Variants in SHISA9 observed in about 807,000 individuals in gnomAD.
SHISA9 encodes the protein protein shisa-9.
SHISA9 carries 13 observed loss-of-function variants against 38.0 expected under a neutral mutation model. The observed-to-expected ratio is 0.34, with a 90% CI of 0.22 to 0.54. The LOEUF is 0.54. Ranked by LOEUF, SHISA9 falls within the 20% of genes least tolerant of loss-of-function variation. The probability of loss-of-function intolerance (pLI) is 0.91; values close to 1 mark genes in which losing one functional copy is unlikely to be tolerated. For synonymous variants in SHISA9, 275 were observed against 242.0 expected, an observed-to-expected ratio of 1.14 and a Z score of -1.27; for missense variants, 538 against 575.8, an observed-to-expected ratio of 0.93 and a Z score of 0.67.
chr16:13,426,207 C>A, the SHISA9 span, among the ~76,000 whole-genome samples: 1 of 152,286 alleles, frequency 6.6e-6, no homozygotes, highest in African/African-American at 2.4e-5. Context: ...GCTTACTACA[C>A]GTCAGGATCC....
At chr16:13,200,442 A>AC (rs1555470817) in intron 2 of SHISA9, among the ~76,000 whole-genome samples, 19,349 of 131,128 alleles carry the variant, frequency 0.15, 1,351 homozygotes, top group East Asian at 0.25. Flanking sequence ...ACACACACAC[A>AC]GCAGCAGCAG....
chr16:13,261,186 C>G, the SHISA9 span, among the ~76,000 whole-genome samples: 1 of 152,114 alleles, frequency 6.6e-6, no homozygotes, highest in African/African-American at 2.4e-5. Context: ...ACCATCTTGC[C>G]TATGCCCATG....
chr16:13,316,596 T>A, the SHISA9 span, among the ~76,000 whole-genome samples: 73,659 of 151,982 alleles, frequency 0.48, 18,099 homozygotes, highest in Middle Eastern at 0.55. Flanking sequence ...CTAAAATGAC[T>A]TCAATAACTT....
intron 2 of SHISA9, among the ~76,000 whole-genome samples, chr16:13,019,907 CTTTCTT>C (rs1418412628): frequency 1.7e-5 from 1 of 58,168 alleles, no homozygotes; most frequent in African/African-American, 5.5e-5. Context: ...TTCTTTCTTT[CTTTCTT>C]TCTTTCTTTC....
chr16:13,552,155 G>A, the SHISA9 span, among the ~76,000 whole-genome samples: 5 of 152,096 alleles, frequency 3.3e-5, no homozygotes, highest in African/African-American at 1.2e-4. Flanking sequence ...TAAGATGCAG[G>A]CTTCTCCAGA....
chr16:13,468,019 A>G, the SHISA9 span, among the ~76,000 whole-genome samples: 1 of 152,214 alleles, frequency 6.6e-6, no homozygotes, highest in African/African-American at 2.4e-5. Flanking sequence ...GGATATTACA[A>G]CAAAACTCAT....
At chr16:13,537,020 A>T in the SHISA9 span, among the ~76,000 whole-genome samples, 1 of 152,194 alleles carries the variant, frequency 6.6e-6, no homozygotes, top group African/African-American at 2.4e-5. Flanking sequence ...AACATGTTTC[A>T]TAACTCTGAC....
At chr16:13,118,308 G>A (rs763324587) in intron 2 of SHISA9, among the ~76,000 whole-genome samples, 8 of 152,142 alleles carry the variant, frequency 5.3e-5, no homozygotes, top group Non-Finnish European at 8.8e-5. Context: ...TGACAGGGAG[G>A]TATGTGTGTG....
chr16:13,172,762 G>A (rs62027563), intron 2 of SHISA9, among the ~76,000 whole-genome samples: 1 of 128,470 alleles, frequency 7.8e-6, no homozygotes, highest in African/African-American at 3.1e-5. Flanking sequence ...TTTTTTTTTG[G>A]TAAATAATCT....
At chr16:13,293,442 C>T in the SHISA9 span, among the ~76,000 whole-genome samples, 1 of 152,290 alleles carries the variant, frequency 6.6e-6, no homozygotes, top group Non-Finnish European at 1.5e-5. Context: ...AGACTCAAAA[C>T]GTAGACATCC....
intron 2 of SHISA9, among the ~76,000 whole-genome samples, chr16:13,170,971 A>G (rs1217447519): frequency 6.6e-6 from 1 of 152,182 alleles, no homozygotes; most frequent in East Asian, 1.9e-4. Flanking sequence ...ATAAAAGTTG[A>G]AGGAAAAAAT....
Position 13,072,530 on chromosome 16 carries a change from C to T in SHISA9, c.692-130864C>T, listed in dbSNP as rs545913117. ...TCCCATCTGGGTCACTGAGCAGAAT[C>T]GCTGAGTTGCTGTGATTTTTAGTTC... is the stretch of plus-strand genomic sequence containing the variant. On this transcript the variant is annotated intron_variant, in intron 2 of 4. Transcript: ENST00000558583. Among the ~76,000 whole-genome samples the T allele has an allele frequency of 1.8e-4, 27 of 152,334 alleles. 1 individual carries two copies. The highest frequency in any genetic ancestry group is 1.5e-3 in the East Asian group (8 of 5,188).
the SHISA9 span, among the ~76,000 whole-genome samples, chr16:13,461,758 C>T: frequency 8.3e-3 from 1,248 of 151,218 alleles, 16 homozygotes; most frequent in African/African-American, 0.029. Flanking sequence ...GGACCACAGG[C>T]GCCCGCCACC....
At chr16:13,276,850 C>T in the SHISA9 span, among the ~76,000 whole-genome samples, 1 of 152,036 alleles carries the variant, frequency 6.6e-6, no homozygotes, top group Non-Finnish European at 1.5e-5. Flanking sequence ...TGAAGATTTT[C>T]TCACACTCTG....
chr16:13,100,990 T>C (rs903502689), intron 2 of SHISA9, among the ~76,000 whole-genome samples: 24 of 152,198 alleles, frequency 1.6e-4, no homozygotes, highest in African/African-American at 5.8e-4. Flanking sequence ...GCCACTGTGC[T>C]CACCCCGAGT....
the SHISA9 span, among the ~76,000 whole-genome samples, chr16:13,520,427 A>G: frequency 6.6e-6 from 1 of 151,314 alleles, no homozygotes; most frequent in Non-Finnish European, 1.5e-5. Context: ...GTGAAACCCC[A>G]TCTCTACTAA....
At chr16:12,916,103 A>G (rs1282397882) in intron 1 of SHISA9, among the ~76,000 whole-genome samples, 2 of 150,822 alleles carry the variant, frequency 1.3e-5, no homozygotes, top group African/African-American at 2.4e-5. Flanking sequence ...GCACACTCCA[A>G]AAATACTCAG....
intron 2 of SHISA9, among the ~76,000 whole-genome samples, chr16:13,082,072 C>T (rs570136266): frequency 1.2e-4 from 18 of 152,250 alleles, no homozygotes; most frequent in South Asian, 6.2e-4. Flanking sequence ...AAGGCAACAA[C>T]GACTACAACA....
chr16:13,477,756 G>C, the SHISA9 span, among the ~76,000 whole-genome samples: 3 of 152,174 alleles, frequency 2.0e-5, no homozygotes, highest in Non-Finnish European at 4.4e-5. Flanking sequence ...CTTGAGGTCA[G>C]CAGTTCAAGA....
Sources: allele counts gnomAD v4.1 joint callset (sites outside exome capture counted in the v4.1 genomes callset), GRCh38; gene constraint gnomAD v4.1.1; transcripts MANE v1.5; gene names NCBI Gene and HGNC (gene_info 2026-07-23, HGNC 2026-07-21).